GM2A: variants seen among roughly 807,000 people sequenced by gnomAD.
GM2A encodes GM2 ganglioside activator.
Under a neutral mutation model 12.9 loss-of-function variants are expected in GM2A, and 7 were observed. The observed-to-expected ratio is 0.54, with a 90% confidence interval of 0.31 to 1.02. The LOEUF (loss-of-function observed/expected upper bound fraction) is 1.02. GM2A is among the 50% of genes least tolerant of loss of function. The pLI, the probability that GM2A is intolerant of heterozygous loss-of-function variation, is 0.05. For synonymous variants in GM2A, 101 were observed against 96.0 expected (o/e 1.05, Z -0.30); for missense variants, 246 against 241.0 (o/e 1.02, Z -0.14).
At chr5:151,264,842 C>T (rs770432956) in intron 2 of GM2A, among the ~76,000 whole-genome samples, 40 of 152,068 alleles carry the variant, frequency 2.6e-4, no homozygotes, top group Admixed American at 1.4e-3. Flanking sequence ...ATTAGCCAGG[C>T]GTGGTAGCTC....
At chr5:151,260,992 AT>A (rs5872196) in intron 2 of GM2A, among the ~76,000 whole-genome samples, 94,329 of 151,736 alleles carry the variant, frequency 0.62, 29,607 homozygotes, top group South Asian at 0.76. Flanking sequence ...TACTTATTCA[AT>A]TTTTTTTTAT....
chr5:151,261,886 T>C (rs1340320516), intron 2 of GM2A, among the ~76,000 whole-genome samples: 1 of 152,194 alleles, frequency 6.6e-6, no homozygotes, highest in Non-Finnish European at 1.5e-5. Flanking sequence ...AGGGTTTTTT[T>C]TGTTTGTTTG....
At position 151,267,706 on chromosome 5, in the gene GM2A, C is replaced by T. The variant is rs75026189; in HGVS notation, c.*255C>T. ...TGCTGGGCTGACCACGTTACTCATC[C>T]CCGTTAACATTCTCTCTAAAGAGCC... On this transcript the variant is annotated 3_prime_UTR_variant, in exon 4 of 4. Coordinates refer to ENST00000357164, the MANE Select transcript of GM2A (RefSeq NM_000405.5). The T allele has an allele frequency of 1.1e-4, 160 of 1,412,426 alleles. No individual in the cohort carries two copies. In the East Asian group the frequency reaches 4.4e-3, roughly 39 times the overall value. The allele number at this position is 1,412,426 out of a possible 1,614,324, so 87.5% of individuals were successfully genotyped here. A position where few individuals can be genotyped will look rare whatever the true frequency, so the allele number is the denominator to read the frequency against.
chr5:151,269,116 G>A lies in GM2A; in HGVS notation c.*1665G>A, dbSNP rs570980806. On this transcript the variant is annotated 3_prime_UTR_variant, in exon 4 of 4. Transcript: ENST00000357164. The stretch of plus-strand genomic sequence containing the variant: ...GGTCCAAGGAAGAGAGGGTGGCCTC[G>A]ACATCAAACTGCCTGGATTTTTCTA... 4.1e-6 allele frequency: 4 copies of A among 985,324 alleles called. No homozygotes were observed. The highest frequency in any genetic ancestry group is 1.7e-5 in the African/African-American group (1 of 57,234). 61.0% of individuals were successfully genotyped at this position (985,324 alleles called of 1,614,324 possible).
intron 1 of GM2A, among the ~76,000 whole-genome samples, chr5:151,253,741 C>A (rs1753634386): frequency 6.6e-6 from 1 of 152,118 alleles, no homozygotes; most frequent in African/African-American, 2.4e-5. Context: ...CTTTTCCAGG[C>A]CAGAGGATCC....
rs752323907 is a variant in GM2A at position 151,253,240 on chromosome 5, C to T, written c.24C>T (p.Pro8=). ...CGATGCAGTCCCTGATGCAGGCTCC[C>T]CTCCTGATCGCCCTGGGCTTGCTTC... The part of the protein sequence containing the change: MQSLMQA[P]LLIALGLLLA... The change falls in exon 1 of 4, where the codon CCC becomes CCT. Residue 8 remains proline, a synonymous_variant. Coordinates refer to ENST00000357164, the MANE Select transcript of GM2A (RefSeq NM_000405.5). 3 of 1,613,978 alleles carry T rather than the reference C, an allele frequency of 1.9e-6. No homozygotes were observed. Among genetic ancestry groups the T allele is most frequent in the African/African-American group, 1.3e-5 (1 of 74,946 alleles).
rs114637683 is a variant in GM2A, at chr5:151,262,801, C to A, written c.243+2885C>A. ...TGGGCTCTCCTGGTAGGCCGTCCGC[C>A]ATGCTCCCTCTGCTGCCATCACCAT... On this transcript the variant is annotated intron_variant, in intron 2 of 3. Coordinates refer to ENST00000357164, the MANE Select transcript of GM2A (RefSeq NM_000405.5). 2.7e-3 allele frequency among the ~76,000 whole-genome samples: 416 copies of A among 152,272 alleles called. 1 individual carries two copies. Among genetic ancestry groups the A allele is most frequent in the African/African-American group, 8.6e-3 (356 of 41,560 alleles).
intron 2 of GM2A, 75 bp from the exon 3 acceptor site, chr5:151,266,656 G>C (rs1753891879): frequency 9.4e-7 from 1 of 1,067,868 alleles, no homozygotes; most frequent in South Asian, 1.3e-5. Context: ...TTTGAAGACA[G>C]AAGAGCTGGT....
At chr5:151,262,527 G>T (rs184585559) in intron 2 of GM2A, among the ~76,000 whole-genome samples, 156 of 152,318 alleles carry the variant, frequency 1.0e-3, no homozygotes, top group African/African-American at 3.7e-3. Flanking sequence ...GTCTTATCCT[G>T]CAGTCTCTTG....
In GM2A at chr5:151,260,182, C is replaced by T. The variant is rs182743829; in HGVS notation, c.243+266C>T. Among the ~76,000 whole-genome samples the T allele has an allele frequency of 6.6e-3, 1,009 of 152,310 alleles. 3 individuals carry two copies. Among genetic ancestry groups the T allele is most frequent in the Non-Finnish European group, 9.9e-3 (672 of 68,028 alleles). On this transcript the variant is annotated intron_variant, in intron 2 of 3. Transcript: ENST00000357164. ...CTTGCACCTGGCAGAAGCGTCCTGG[C>T]CTTCTCTGGGCCTGGTGGCCAACTG...
chr5:151,267,156 G>A (rs2127241030), intron 3 of GM2A, 140 bp from the exon 4 acceptor site: 1 of 1,078,848 alleles, frequency 9.3e-7, no homozygotes, highest in Non-Finnish European at 1.4e-6. Context: ...ACAGTGCTAT[G>A]GCCGTCTCTC....
chr5:151,259,974 T>C (rs1466141681), intron 2 of GM2A, 58 bp downstream of exon 2: 22 of 1,352,826 alleles, frequency 1.6e-5, no homozygotes, highest in Non-Finnish European at 1.0e-6. Context: ...GCAGGGGTAC[T>C]GGGGCATGTA....
chr5:151,267,697 T>G lies in GM2A; in HGVS notation c.*246T>G. On this transcript the variant is annotated 3_prime_UTR_variant, in exon 4 of 4. Transcript: ENST00000357164. ...CAGGGCATCTGCTGGGCTGACCACG[T>G]TACTCATCCCCGTTAACATTCTCTC... 1.4e-6 allele frequency: 2 copies of G among 1,437,492 alleles called. No homozygotes were observed. Among genetic ancestry groups the G allele is most frequent in the Non-Finnish European group, 1.8e-6 (2 of 1,084,962 alleles). 89.0% of individuals were successfully genotyped at this position (1,437,492 alleles called of 1,614,324 possible). A position where few individuals can be genotyped will look rare whatever the true frequency, so the allele number is the denominator to read the frequency against.
chr5:151,259,655 A>G, intron 1 of GM2A, 100 bp from the exon 2 acceptor site: 4 of 1,115,326 alleles, frequency 3.6e-6, no homozygotes, highest in Non-Finnish European at 5.4e-6. Context: ...TGCCTCACCC[A>G]AGGTCACTCT....
chr5:151,253,225 C>T lies in GM2A; in HGVS notation c.9C>T (p.Ser3=). 6.2e-7 allele frequency: 1 copy of T among 1,613,876 alleles called. No homozygotes were observed. Residue 3 remains serine, a synonymous_variant, in exon 1 of 4, where the codon TCC becomes TCT. Transcript: ENST00000357164. MQ[S]LMQAPLLIAL... ...CTGACCCACCCTTCCCGATGCAGTC[C>T]CTGATGCAGGCTCCCCTCCTGATCG...
At chr5:151,255,823 C>T (rs377455329) in intron 1 of GM2A, among the ~76,000 whole-genome samples, 39 of 152,244 alleles carry the variant, frequency 2.6e-4, no homozygotes, top group African/African-American at 8.4e-4. Flanking sequence ...CAGGGCTGGC[C>T]GCTATGAGGT....
Position 151,253,221 on chromosome 5 carries a change from A to T in GM2A, c.5A>T (p.Gln2Leu), listed in dbSNP as rs562249526. 4 of 1,613,638 alleles carry T rather than the reference A, an allele frequency of 2.5e-6. No individual in the cohort carries two copies. Among genetic ancestry groups the T allele is most frequent in the Non-Finnish European group, 3.4e-6 (4 of 1,179,546 alleles). ...CGCCCTGACCCACCCTTCCCGATGC[A>T]GTCCCTGATGCAGGCTCCCCTCCTG... is the stretch of plus-strand genomic sequence containing the variant. M[Q>L]SLMQAPLLIA... The change falls in exon 1 of 4, where the codon CAG (glutamine) becomes CTG (leucine). Residue 2 changes from glutamine to leucine, a missense_variant. By Grantham distance (113) the Gln-to-Leu change is moderately radical (BLOSUM62 -2). Coordinates refer to ENST00000357164, the MANE Select transcript of GM2A (RefSeq NM_000405.5).
At chr5:151,265,956 G>A (rs1039627067) in intron 2 of GM2A, among the ~76,000 whole-genome samples, 1 of 152,160 alleles carries the variant, frequency 6.6e-6, no homozygotes, top group East Asian at 1.9e-4. Context: ...GTGGCTGTAC[G>A]GAGAAAATGT....
chr5:151,258,223 C>T (rs994248415), intron 1 of GM2A, among the ~76,000 whole-genome samples: 1 of 152,188 alleles, frequency 6.6e-6, no homozygotes, highest in Admixed American at 6.5e-5. Context: ...ATGGAGCTGC[C>T]GGCAGGAAGC....
Sources: gnomAD v4.1 joint callset for allele counts (sites outside exome capture counted in the v4.1 genomes callset) on GRCh38, gnomAD v4.1.1 for gene constraint, MANE v1.5 for transcripts, NCBI Gene and HGNC (gene_info 2026-07-23, HGNC 2026-07-21) for gene names.